LDLRAD3: variants seen among roughly 807,000 people sequenced by gnomAD.
LDLRAD3 encodes the protein low density lipoprotein receptor class A domain containing 3, also known as low-density lipoprotein receptor class A domain-containing protein 3.
A neutral mutation model predicts 29.4 loss-of-function variants in LDLRAD3; 20 were observed. The observed-to-expected ratio is 0.68, with a 90% confidence interval of 0.48 to 0.99. The LOEUF is 0.99. Ranked by LOEUF, LDLRAD3 falls within the 50% of genes least tolerant of loss-of-function variation. The pLI, the probability that LDLRAD3 is intolerant of heterozygous loss-of-function variation, is 0.00. For synonymous variants in LDLRAD3, 157 were observed against 192.7 expected, an observed-to-expected ratio of 0.81 and a Z score of 1.53; for missense variants, 420 against 454.3, an observed-to-expected ratio of 0.92 and a Z score of 0.69.
At chr11:36,138,120 G>C (rs1374156324) in intron 4 of LDLRAD3, among the ~76,000 whole-genome samples, 4 of 152,214 alleles carry the variant, frequency 2.6e-5, no homozygotes, top group Non-Finnish European at 4.4e-5. Context: ...CCAGCAGGCT[G>C]TCCTCTGCAA....
At chr11:36,046,872 G>C (rs1852457716) in intron 2 of LDLRAD3, among the ~76,000 whole-genome samples, 1 of 152,180 alleles carries the variant, frequency 6.6e-6, no homozygotes, top group South Asian at 2.1e-4. Flanking sequence ...AAAGCAGGAA[G>C]GGTGATTCAA....
At chr11:36,030,112 C>G (rs1420141941) in intron 1 of LDLRAD3, among the ~76,000 whole-genome samples, 1 of 152,184 alleles carries the variant, frequency 6.6e-6, no homozygotes, top group Non-Finnish European at 1.5e-5. Flanking sequence ...GCAGGGTTGC[C>G]TGAAGAGTCT....
At chr11:36,165,344 CTT>C (rs34637837) in intron 4 of LDLRAD3, among the ~76,000 whole-genome samples, 1 of 143,808 alleles carries the variant, frequency 7.0e-6, no homozygotes, top group Non-Finnish European at 1.5e-5. Context: ...GGCTTTAAAC[CTT>C]TTTTTTTTTG....
chr11:36,051,188 T>C (rs1202579668), intron 2 of LDLRAD3, among the ~76,000 whole-genome samples: 1 of 152,172 alleles, frequency 6.6e-6, no homozygotes, highest in Non-Finnish European at 1.5e-5. Context: ...ATGCTGCATA[T>C]TTAGGCCTGC....
chr11:35,975,452 G>A (rs753314577), intron 1 of LDLRAD3, among the ~76,000 whole-genome samples: 30 of 152,174 alleles, frequency 2.0e-4, no homozygotes, highest in Admixed American at 3.9e-4. Context: ...TCTGGAAGAA[G>A]GATGGAAATT....
intron 2 of LDLRAD3, among the ~76,000 whole-genome samples, chr11:36,052,420 C>A (rs1318972280): frequency 2.0e-5 from 3 of 152,158 alleles, no homozygotes; most frequent in African/African-American, 4.8e-5. Context: ...CAAGAGACAC[C>A]TGTCTGTTGG....
At chr11:36,051,242 T>C (rs2133223387) in intron 2 of LDLRAD3, among the ~76,000 whole-genome samples, 1 of 152,324 alleles carries the variant, frequency 6.6e-6, no homozygotes, top group South Asian at 2.1e-4. Flanking sequence ...AGGAAAGGTT[T>C]CAGGGGCACC....
intron 4 of LDLRAD3, among the ~76,000 whole-genome samples, chr11:36,131,737 A>T (rs1853928490): frequency 6.6e-6 from 1 of 152,224 alleles, no homozygotes; most frequent in Admixed American, 6.5e-5. Context: ...TTGTCCAAGC[A>T]TGTAATATTG....
intron 4 of LDLRAD3, among the ~76,000 whole-genome samples, chr11:36,157,139 C>A (rs1050742431): frequency 1.3e-5 from 2 of 152,194 alleles, no homozygotes; most frequent in African/African-American, 4.8e-5. Context: ...AAAGAGAGGA[C>A]CCCATTCAGA....
intron 4 of LDLRAD3, among the ~76,000 whole-genome samples, chr11:36,111,732 G>T (rs1969049): frequency 1 from 152,299 of 152,300 alleles, 76,149 homozygotes; most frequent in Non-Finnish European, 1. Flanking sequence ...CCCGAGTAGC[G>T]GGGATTACAG....
intron 4 of LDLRAD3, among the ~76,000 whole-genome samples, chr11:36,174,408 A>T (rs1321268073): frequency 6.6e-6 from 1 of 152,228 alleles, no homozygotes; most frequent in African/African-American, 2.4e-5. Flanking sequence ...AAAAGAAACT[A>T]CCATCAGAGT....
chr11:36,071,710 C>T (rs1044891603), intron 2 of LDLRAD3, among the ~76,000 whole-genome samples: 4 of 152,262 alleles, frequency 2.6e-5, no homozygotes, highest in African/African-American at 9.6e-5. Flanking sequence ...AGTCTGTGTG[C>T]CTGGCACTTC....
chr11:36,003,953 AC>A (rs758799047), intron 1 of LDLRAD3, among the ~76,000 whole-genome samples: 6 of 152,020 alleles, frequency 3.9e-5, no homozygotes, highest in Non-Finnish European at 8.8e-5. Flanking sequence ...TCTCATGAGA[AC>A]TCACTGTCAC....
intron 1 of LDLRAD3, among the ~76,000 whole-genome samples, chr11:35,961,793 G>A (rs967914337): frequency 2.0e-5 from 3 of 152,036 alleles, no homozygotes; most frequent in Admixed American, 6.6e-5. Context: ...GCATATTTAC[G>A]GGGTACATGA....
intron 1 of LDLRAD3, chr11:35,997,563 G>T (rs749815875): frequency 6.0e-5 from 20 of 331,386 alleles, no homozygotes; most frequent in Non-Finnish European, 9.8e-5. Flanking sequence ...AACCTTTTTT[G>T]CAGACATACC....
intron 4 of LDLRAD3, among the ~76,000 whole-genome samples, chr11:36,144,321 C>T (rs1854136489): frequency 6.6e-6 from 1 of 150,402 alleles, no homozygotes; most frequent in Admixed American, 6.6e-5. Flanking sequence ...CCCCAAAGTG[C>T]CGAGATTGCA....
chr11:36,136,754 G>T (rs1050140514), intron 4 of LDLRAD3, among the ~76,000 whole-genome samples: 1 of 151,340 alleles, frequency 6.6e-6, no homozygotes, highest in Non-Finnish European at 1.5e-5. Context: ...ACAGTGGCGC[G>T]ATCTTAGCTC....
chr11:35,966,419 C>T (rs4756264), intron 1 of LDLRAD3, among the ~76,000 whole-genome samples: 54,777 of 151,914 alleles, frequency 0.36, 10,140 homozygotes, highest in East Asian at 0.56. Context: ...AGTGAGACTC[C>T]GTCCCAAAAA....
At chr11:35,994,637 C>A (rs990624464) in intron 1 of LDLRAD3, among the ~76,000 whole-genome samples, 4 of 152,192 alleles carry the variant, frequency 2.6e-5, no homozygotes, top group Non-Finnish European at 5.9e-5. Context: ...ATGGACTCTT[C>A]CTTTCATGAA....
Sources: allele counts gnomAD v4.1 joint callset (sites outside exome capture counted in the v4.1 genomes callset), GRCh38; gene constraint gnomAD v4.1.1; transcripts MANE v1.5; gene names NCBI Gene and HGNC (gene_info 2026-07-23, HGNC 2026-07-21).